The following PDE1A variants were observed in gnomAD, a reference collection of about 807,000 sequenced individuals.
PDE1A encodes the protein dual specificity calcium/calmodulin-dependent 3',5'-cyclic nucleotide phosphodiesterase 1A.
A neutral mutation model predicts 61.7 loss-of-function variants in PDE1A; 35 were observed. The ratio of observed to expected loss-of-function variants is 0.57; its 90% CI spans 0.43 to 0.75. PDE1A has a LOEUF of 0.75. Among genes scored for constraint, PDE1A ranks in the 30% least tolerant of loss-of-function variants. PDE1A has a pLI of 0.00. For synonymous variants in PDE1A, 232 were observed against 213.2 expected, an observed-to-expected ratio of 1.09 and a Z score of -0.77; for missense variants, 597 against 630.6, an observed-to-expected ratio of 0.95 and a Z score of 0.57.
At chr2:182,570,018 G>A in the PDE1A span, among the ~76,000 whole-genome samples, 1 of 152,156 alleles carries the variant, frequency 6.6e-6, no homozygotes, top group South Asian at 2.1e-4. Context: ...CCTGTGCTGT[G>A]TTCCCAATCA....
chr2:182,493,696 T>C (rs6760317), intron 2 of PDE1A, among the ~76,000 whole-genome samples: 129,689 of 152,232 alleles, frequency 0.85, 55,394 homozygotes, highest in East Asian at 0.99. Flanking sequence ...CAATTATAGA[T>C]TGGATTAAGA....
the PDE1A span, among the ~76,000 whole-genome samples, chr2:182,616,342 A>C: frequency 3.3e-5 from 5 of 152,256 alleles, no homozygotes; most frequent in African/African-American, 1.2e-4. Flanking sequence ...AGAATTATGT[A>C]ATCTGCCTCA....
intron 1 of PDE1A, among the ~76,000 whole-genome samples, chr2:182,365,958 CTGTTAAGAGATGCTAAAAGGA>C (rs764448316): frequency 8.4e-4 from 127 of 152,024 alleles, no homozygotes; most frequent in Non-Finnish European, 1.4e-3. Context: ...GTACTGTCAA[CTGTTAAGAGATGCTAAAAGGA>C]GTGCAACGTG....
At chr2:182,429,791 T>C (rs1216631040), upstream of PDE1A, among the ~76,000 whole-genome samples, 3 of 152,128 alleles carry the variant, frequency 2.0e-5, no homozygotes, top group Admixed American at 1.3e-4. Flanking sequence ...CTGATTTTCT[T>C]CATTGTTATA....
At chr2:182,485,291 A>T (rs961000284) in intron 2 of PDE1A, among the ~76,000 whole-genome samples, 1 of 152,124 alleles carries the variant, frequency 6.6e-6, no homozygotes, top group Non-Finnish European at 1.5e-5. Flanking sequence ...ACGTGTTCTC[A>T]CTTACAAGTG....
At chr2:182,567,280 T>C in the PDE1A span, among the ~76,000 whole-genome samples, 3 of 152,216 alleles carry the variant, frequency 2.0e-5, no homozygotes, top group African/African-American at 7.2e-5. Flanking sequence ...TTCGTTTTCC[T>C]GGCATATTTG....
At chr2:182,700,460 A>T in the PDE1A span, among the ~76,000 whole-genome samples, 1 of 152,162 alleles carries the variant, frequency 6.6e-6, no homozygotes, top group East Asian at 1.9e-4. Context: ...GCAGTGGTTC[A>T]CGCATGTAAT....
intron 1 of PDE1A, among the ~76,000 whole-genome samples, chr2:182,386,783 CCT>C (rs1255142281): frequency 6.6e-6 from 1 of 151,160 alleles, no homozygotes; most frequent in Non-Finnish European, 1.5e-5. Flanking sequence ...GGCCAGCCGC[CCT>C]GTCTGGGAGG....
the PDE1A span, among the ~76,000 whole-genome samples, chr2:182,701,839 A>T: frequency 6.6e-6 from 1 of 152,212 alleles, no homozygotes; most frequent in Non-Finnish European, 1.5e-5. Flanking sequence ...CTTTTATTCC[A>T]GCAAAACTAA....
intron 1 of PDE1A, among the ~76,000 whole-genome samples, chr2:182,368,323 A>G (rs929827139): frequency 5.3e-5 from 8 of 151,728 alleles, no homozygotes; most frequent in East Asian, 1.9e-4. Context: ...TCTTAAGTCC[A>G]GAACACCCCA....
intron 2 of PDE1A, among the ~76,000 whole-genome samples, chr2:182,255,634 A>G (rs1054327146): frequency 6.7e-6 from 1 of 148,586 alleles, no homozygotes; most frequent in African/African-American, 2.5e-5. Context: ...GTTCATCTAC[A>G]CTTTTTCTTT....
chr2:182,647,612 G>A, the PDE1A span, among the ~76,000 whole-genome samples: 1 of 152,238 alleles, frequency 6.6e-6, no homozygotes, highest in South Asian at 2.1e-4. Flanking sequence ...CTTAGGAAAA[G>A]ACATATCACC....
At chr2:182,212,801 G>C (rs1687756232) in intron 7 of PDE1A, among the ~76,000 whole-genome samples, 1 of 152,240 alleles carries the variant, frequency 6.6e-6, no homozygotes, top group South Asian at 2.1e-4. Flanking sequence ...TAGCACAGCA[G>C]TCTGAGATCA....
chr2:182,666,386 G>A, the PDE1A span, among the ~76,000 whole-genome samples: 1 of 152,084 alleles, frequency 6.6e-6, no homozygotes. Flanking sequence ...GGGAGGCCAA[G>A]GTGGGTGGAT....
chr2:182,345,267 T>G (rs2125065716), intron 1 of PDE1A, among the ~76,000 whole-genome samples: 1 of 152,348 alleles, frequency 6.6e-6, no homozygotes, highest in South Asian at 2.1e-4. Flanking sequence ...GATGTCCCCA[T>G]CTTGGTGAAC....
At chr2:182,317,412 A>G (rs1001917811) in intron 1 of PDE1A, among the ~76,000 whole-genome samples, 3 of 152,156 alleles carry the variant, frequency 2.0e-5, no homozygotes, top group East Asian at 3.9e-4. Context: ...AACACCTACT[A>G]TGCACCAAGT....
At chr2:182,537,011 C>T in the PDE1A span, among the ~76,000 whole-genome samples, 72 of 152,216 alleles carry the variant, frequency 4.7e-4, no homozygotes, top group Admixed American at 1.8e-3. Flanking sequence ...ATGATCCCAG[C>T]CATAGCCGCT....
intron 1 of PDE1A, among the ~76,000 whole-genome samples, chr2:182,398,968 T>C (rs1701852972): frequency 6.6e-6 from 1 of 152,058 alleles, no homozygotes; most frequent in South Asian, 2.1e-4. Flanking sequence ...TAAACTTCAG[T>C]TTGTTAACTA....
chr2:182,148,709 C>T (rs1350675553), intron 13 of PDE1A, among the ~76,000 whole-genome samples: 1 of 152,184 alleles, frequency 6.6e-6, no homozygotes, highest in Non-Finnish European at 1.5e-5. Context: ...ATCTACACAG[C>T]CGTCTCTCCT....
Sources: allele counts gnomAD v4.1 joint callset (sites outside exome capture counted in the v4.1 genomes callset), GRCh38; gene constraint gnomAD v4.1.1; transcripts MANE v1.5; gene names NCBI Gene and HGNC (gene_info 2026-07-23, HGNC 2026-07-21).